The following KDSR variants were observed in gnomAD, a reference collection of about 807,000 sequenced individuals.
KDSR encodes 3-ketodihydrosphingosine reductase.
In KDSR, 23 loss-of-function variants were observed where a neutral mutation model predicts 41.3. The ratio of observed to expected loss-of-function variants is 0.56; its 90% CI spans 0.40 to 0.79. KDSR has a LOEUF of 0.79. Among genes scored for constraint, KDSR ranks in the 30% least tolerant of loss-of-function variants. The pLI is 0.00. For missense variants in KDSR, 351 were observed against 416.8 expected (o/e 0.84, Z 1.37); for synonymous variants, 138 against 151.7 (o/e 0.91, Z 0.66).
At chr18:63,359,922 C>G in intron 2 of KDSR, 130 bp from the exon 3 acceptor site, 1 of 693,440 alleles carries the variant, frequency 1.4e-6, no homozygotes, top group South Asian at 1.6e-5. Context: ...AAAACAGTAT[C>G]TACATTGCAT....
At chr18:63,354,104 T>G (rs1478328387) in intron 5 of KDSR, among the ~76,000 whole-genome samples, 1 of 152,050 alleles carries the variant, frequency 6.6e-6, no homozygotes. Context: ...GACTGGAGGT[T>G]CTGTTTCTAG....
chr18:63,330,276 CAG>C lies in KDSR; in HGVS notation c.*1504_*1505del, dbSNP rs1219763963. The C allele has an allele frequency of 1.4e-5, 3 of 213,176 alleles. No individual in the cohort carries two copies. The highest frequency in any genetic ancestry group is 1.9e-5 in the Non-Finnish European group (2 of 105,544). The allele number at this position is 213,176 out of a possible 1,614,324, so 13.2% of individuals were successfully genotyped here. A position where few individuals can be genotyped will look rare whatever the true frequency, so the allele number is the denominator to read the frequency against. Reference sequence around the variant, plus strand: ...TTTAAGAAAGTTTCCTCTTCAAAAACAGAGGTCTTTTCTCACCGAAGTGATCT... The same window carrying C: ...TTTAAGAAAGTTTCCTCTTCAAAAACAGGTCTTTTCTCACCGAAGTGATCT... On this transcript the variant is annotated 3_prime_UTR_variant, in exon 10 of 10. Coordinates refer to ENST00000645214, the MANE Select transcript of KDSR (RefSeq NM_002035.4).
chr18:63,365,043 T>C (rs933229279), intron 1 of KDSR, among the ~76,000 whole-genome samples: 5 of 152,362 alleles, frequency 3.3e-5, no homozygotes, highest in Non-Finnish European at 5.9e-5. Flanking sequence ...ATGGGACTCA[T>C]AGGCATCCCT....
Position 63,329,078 on chromosome 18 carries a change from C to G in KDSR, c.*2704G>C, listed in dbSNP as rs1913895747. 1 of 197,670 alleles carries G rather than the reference C, an allele frequency of 5.1e-6. No individual in the cohort carries two copies. The highest frequency in any genetic ancestry group is 2.3e-5 in the African/African-American group (1 of 43,294). 12.2% of individuals were successfully genotyped at this position (197,670 alleles called of 1,614,324 possible). ...CAGGGTTGGTTCTTTTTTTCTTCCC[C>G]CAGCAGAAAAACAAGTTGTTCAAGC... is the stretch of plus-strand genomic sequence containing the variant. On this transcript the variant is annotated 3_prime_UTR_variant, in exon 10 of 10. Coordinates refer to ENST00000645214, the MANE Select transcript of KDSR (RefSeq NM_002035.4).
chr18:63,355,240 T>G lies in KDSR; in HGVS notation c.381A>C (p.Ser127=). The change falls in exon 5 of 10, where the codon TCA becomes TCC. Residue 127 remains serine, a synonymous_variant. Transcript: ENST00000645214. ...MLVNCAGMAV[S]GKFEDLEVST... Reference sequence around the variant, plus strand: ...TAACTTCAAGATCTTCAAATTTTCCTGACACTGCCATTCCTGCACAATTTA... The same window carrying G: ...TAACTTCAAGATCTTCAAATTTTCCGGACACTGCCATTCCTGCACAATTTA... 6.2e-7 allele frequency: 1 copy of G among 1,614,136 alleles called. No individual in the cohort carries two copies. Among genetic ancestry groups the G allele is most frequent in the Non-Finnish European group, 8.5e-7 (1 of 1,179,966 alleles).
At chr18:63,333,341 C>T (rs1464990491) in intron 9 of KDSR, among the ~76,000 whole-genome samples, 2 of 152,224 alleles carry the variant, frequency 1.3e-5, no homozygotes, top group Admixed American at 1.3e-4. Flanking sequence ...CTGACTTGGC[C>T]TCCCAAAGTG....
chr18:63,352,568 G>A (rs1225548499), intron 5 of KDSR, among the ~76,000 whole-genome samples: 1 of 152,058 alleles, frequency 6.6e-6, no homozygotes, highest in Non-Finnish European at 1.5e-5. Context: ...TGCCTGCCTC[G>A]GCCTCCCAAA....
At chr18:63,344,346 T>C in intron 7 of KDSR, 64 bp downstream of exon 7, 2 of 1,142,236 alleles carry the variant, frequency 1.8e-6, no homozygotes, top group South Asian at 1.3e-5. Flanking sequence ...AGCTGAAGAG[T>C]AGAAAGAAAA....
intron 3 of KDSR, 132 bp from the exon 4 acceptor site, chr18:63,355,695 G>C: frequency 7.8e-7 from 1 of 1,274,874 alleles, no homozygotes. Flanking sequence ...TTCAGTGTTT[G>C]CTGATGATGC....
intron 3 of KDSR, among the ~76,000 whole-genome samples, chr18:63,357,950 G>A (rs1914848880): frequency 6.6e-6 from 1 of 152,014 alleles, no homozygotes. Flanking sequence ...GGCTGAGGCG[G>A]GCGGATCACG....
At position 63,355,310 on chromosome 18, in the gene KDSR, G is replaced by A. The variant is rs1395487703; in HGVS notation, c.322-11C>T. 6.2e-7 allele frequency: 1 copy of A among 1,612,414 alleles called. No individual in the cohort carries two copies. The highest frequency in any genetic ancestry group is 1.7e-5 in the Admixed American group (1 of 59,912). On this transcript the variant is annotated splice_polypyrimidine_tract_variant and intron_variant, in intron 4 of 9. Transcript: ENST00000645214. ...CAGTTTCTCCTGTGCCTAGAAAAAT[G>A]TAGCAGAGCAGGCATTAAGAAACAG...
intron 7 of KDSR, among the ~76,000 whole-genome samples, chr18:63,339,319 C>G (rs1914275635): frequency 6.6e-6 from 1 of 152,246 alleles, no homozygotes; most frequent in Admixed American, 6.5e-5. Context: ...ATTCCCAGGT[C>G]AGCAGAGGGC....
At chr18:63,352,291 G>A (rs1914679666) in intron 5 of KDSR, among the ~76,000 whole-genome samples, 1 of 151,886 alleles carries the variant, frequency 6.6e-6, no homozygotes, top group Non-Finnish European at 1.5e-5. Flanking sequence ...TAATTCAAGA[G>A]AATATTAGAT....
rs1913965658 is a variant in KDSR, at chr18:63,330,982, T to G, written c.*800A>C. 4.3e-6 allele frequency: 1 copy of G among 231,656 alleles called. No individual in the cohort carries two copies. Among genetic ancestry groups the G allele is most frequent in the African/African-American group, 2.2e-5 (1 of 45,216 alleles). The allele number at this position is 231,656 out of a possible 1,614,324, so 14.4% of individuals were successfully genotyped here. A position where few individuals can be genotyped will look rare whatever the true frequency, so the allele number is the denominator to read the frequency against. Reference sequence around the variant, plus strand: ...ATTTTACCGCTCTTCAGAAAACATTTAAGGAGGCTGCCTTTCCCCATGAAT... The same window carrying G: ...ATTTTACCGCTCTTCAGAAAACATTGAAGGAGGCTGCCTTTCCCCATGAAT... On this transcript the variant is annotated 3_prime_UTR_variant, in exon 10 of 10. Coordinates refer to ENST00000645214, the MANE Select transcript of KDSR (RefSeq NM_002035.4).
rs745578197 is a variant in KDSR, at chr18:63,367,155, G to T, written c.-37C>A. 3 of 1,141,344 alleles carry T rather than the reference G, an allele frequency of 2.6e-6. No homozygotes were observed. In the East Asian group the frequency reaches 9.4e-5, roughly 36 times the overall value. The allele number at this position is 1,141,344 out of a possible 1,614,324, so 70.7% of individuals were successfully genotyped here. A position where few individuals can be genotyped will look rare whatever the true frequency, so the allele number is the denominator to read the frequency against. ...GCCAGGGGCCCGGAGCGGCCGGGCGGGGGCCGCCGGGCAAGGCGCGCAGGG... is the reference window on the plus strand; with the variant it reads ...GCCAGGGGCCCGGAGCGGCCGGGCGTGGGCCGCCGGGCAAGGCGCGCAGGG... On this transcript the variant is annotated 5_prime_UTR_variant, in exon 1 of 10. Coordinates refer to ENST00000645214, the MANE Select transcript of KDSR (RefSeq NM_002035.4).
rs560133250 is a variant in KDSR at position 63,367,134 on chromosome 18, G to C, written c.-16C>G. 20 of 1,292,686 alleles carry C rather than the reference G, an allele frequency of 1.5e-5. 1 individual carries two copies. In the South Asian group the frequency reaches 6.1e-4, roughly 40 times the overall value. 80.1% of individuals were successfully genotyped at this position (1,292,686 alleles called of 1,614,324 possible). ...GCAGCAGCATCGCTCCGCGGGGCCA[G>C]GGGCCCGGAGCGGCCGGGCGGGGGC... On this transcript the variant is annotated 5_prime_UTR_variant, in exon 1 of 10. Transcript: ENST00000645214.
chr18:63,361,621 C>T (rs898087254), intron 2 of KDSR, among the ~76,000 whole-genome samples: 1 of 152,026 alleles, frequency 6.6e-6, no homozygotes, highest in South Asian at 2.1e-4. Context: ...TCCAGACCAG[C>T]CTGACCAACA....
intron 8 of KDSR, 30 bp from the exon 9 acceptor site, chr18:63,335,388 G>C (rs1355637637): frequency 1.4e-6 from 2 of 1,469,788 alleles, no homozygotes; most frequent in African/African-American, 1.4e-5. Context: ...AGAGAAAGAG[G>C]GAATCCTAGT....
In KDSR at chr18:63,362,863, T is replaced by C. The variant is rs1389513355; in HGVS notation, c.114A>G (p.Thr38=). 1.2e-6 allele frequency: 2 copies of C among 1,610,634 alleles called. No individual in the cohort carries two copies. The highest frequency in any genetic ancestry group is 1.7e-6 in the Non-Finnish European group (2 of 1,177,228). The change falls in exon 2 of 10, where the codon ACA becomes ACG. Residue 38 remains threonine (T), a synonymous_variant. Transcript: ENST00000645214. ...ACTTCCCGATGCCACTGGAACCTCC[T>C]GTAACCTAAAACAAAATCATAAAAT... ...LALPGAHVVV[T]GGSSGIGKCI... is the part of the protein sequence containing the mutation.
Sources: gnomAD v4.1 joint callset for allele counts (sites outside exome capture counted in the v4.1 genomes callset) on GRCh38, gnomAD v4.1.1 for gene constraint, MANE v1.5 for transcripts, NCBI Gene and HGNC (gene_info 2026-07-23, HGNC 2026-07-21) for gene names.